Variants in SAXO1 observed in about 807,000 individuals in gnomAD.
SAXO1 encodes the protein 4930500O09Rik.
In SAXO1, 21 loss-of-function variants were observed where a neutral mutation model predicts 17.5. That is an observed-to-expected ratio of 1.20 (90% confidence interval 0.85 to 1.72). The LOEUF (loss-of-function observed/expected upper bound fraction) is 1.72, where lower values mean the gene tolerates loss of function less well. Among genes scored for constraint, SAXO1 ranks in the 40% most tolerant of loss-of-function variants. SAXO1 has a pLI of 0.00. For synonymous variants in SAXO1, 274 were observed against 216.5 expected (o/e 1.27, Z -2.33); for missense variants, 843 against 596.0 (o/e 1.41, Z -4.32).
chr9:18,968,218 T>C (rs745490133), intron 1 of SAXO1, among the ~76,000 whole-genome samples: 4 of 152,234 alleles, frequency 2.6e-5, no homozygotes, highest in Non-Finnish European at 4.4e-5. Flanking sequence ...TTCCCTTTTT[T>C]GTTATTTGTA....
chr9:18,973,461 G>A (rs1174967957), intron 1 of SAXO1, among the ~76,000 whole-genome samples: 1 of 152,204 alleles, frequency 6.6e-6, no homozygotes, highest in Non-Finnish European at 1.5e-5. Context: ...ATTTTCTCTA[G>A]AGCGTTGCCT....
rs1056653184 is a variant in SAXO1 at position 19,027,918 on chromosome 9, C to T, written c.38+4953G>A. The T allele has an allele frequency of 1.1e-5, 15 of 1,388,902 alleles. No individual in the cohort carries two copies. In the Admixed American group the frequency reaches 1.1e-4, roughly 10 times the overall value. 86.0% of individuals were successfully genotyped at this position (1,388,902 alleles called of 1,614,324 possible). ...TGCCTGGGCCAGAATCATGCAGATCCACTCCCAAAAGATGAACGTCAGTCC... is the reference window on the plus strand; with the variant it reads ...TGCCTGGGCCAGAATCATGCAGATCTACTCCCAAAAGATGAACGTCAGTCC... On this transcript the variant is annotated intron_variant, in intron 1 of 3. Coordinates refer to ENST00000380534, the MANE Select transcript of SAXO1 (RefSeq NM_153707.4).
At chr9:18,990,851 A>G (rs1400136122) in intron 1 of SAXO1, among the ~76,000 whole-genome samples, 1 of 152,174 alleles carries the variant, frequency 6.6e-6, no homozygotes, top group Non-Finnish European at 1.5e-5. Context: ...TGTCTCCATC[A>G]TCCCTAGAAT....
At chr9:18,979,626 A>T (rs562958562) in intron 1 of SAXO1, among the ~76,000 whole-genome samples, 18 of 152,326 alleles carry the variant, frequency 1.2e-4, no homozygotes, top group African/African-American at 4.3e-4. Context: ...TGATCTCATC[A>T]GCTCTATTTT....
At position 18,928,741 on chromosome 9, in the gene SAXO1, C is replaced by T. The variant is rs1208036777; in HGVS notation, c.736G>A (p.Gly246Ser). ...CTCTTGGCAGGCTCCCCCATCAGGC[C>T]CCGGTAGGATTGTTTTTGAGTGGTA... ...SLTTQKQSYRGLMGEPAKSLK... is the reference protein window; with the variant it reads ...SLTTQKQSYRSLMGEPAKSLK... Residue 246 changes from glycine (G) to serine (S), a missense_variant, in exon 4 of 4, where the codon GGC (glycine) becomes AGC (serine). Physicochemically the swap from Gly to Ser is moderately conservative, Grantham distance 56. Coordinates refer to ENST00000380534, the MANE Select transcript of SAXO1 (RefSeq NM_153707.4). 1.2e-6 allele frequency: 2 copies of T among 1,614,010 alleles called. No homozygotes were observed. Among genetic ancestry groups the T allele is most frequent in the South Asian group, 2.2e-5 (2 of 91,068 alleles).
upstream of SAXO1, among the ~76,000 whole-genome samples, chr9:19,037,809 T>C (rs1256502869): frequency 1.3e-5 from 2 of 152,180 alleles, no homozygotes; most frequent in Non-Finnish European, 2.9e-5. Flanking sequence ...TCTGGGTACT[T>C]TTCTATAAGC....
intron 1 of SAXO1, among the ~76,000 whole-genome samples, chr9:18,993,751 T>TG (rs1833902269): frequency 6.6e-6 from 1 of 152,186 alleles, no homozygotes; most frequent in South Asian, 2.1e-4. Flanking sequence ...GACCCTAGGC[T>TG]GGGGGGTTCT....
At chr9:18,969,275 T>C (rs891337657) in intron 1 of SAXO1, among the ~76,000 whole-genome samples, 9 of 152,212 alleles carry the variant, frequency 5.9e-5, no homozygotes, top group African/African-American at 1.9e-4. Context: ...GAAGTTTGTG[T>C]CAGCTGCACT....
At chr9:19,002,604 A>C (rs1308251034) in intron 1 of SAXO1, among the ~76,000 whole-genome samples, 3 of 152,236 alleles carry the variant, frequency 2.0e-5, no homozygotes, top group African/African-American at 7.2e-5. Context: ...CAAATTAATA[A>C]ATGCAATCCA....
chr9:19,001,536 G>A (rs1203864401), intron 1 of SAXO1, among the ~76,000 whole-genome samples: 11 of 151,964 alleles, frequency 7.2e-5, no homozygotes, highest in East Asian at 1.9e-4. Context: ...GTGTGGTGGC[G>A]GGCACCTGTA....
At chr9:19,029,332 G>C (rs1295220677) in intron 1 of SAXO1, among the ~76,000 whole-genome samples, 1 of 152,134 alleles carries the variant, frequency 6.6e-6, no homozygotes, top group Non-Finnish European at 1.5e-5. Flanking sequence ...CAAATCTCCA[G>C]GATTAAAAAA....
At chr9:19,005,905 C>T (rs1039227816) in intron 1 of SAXO1, among the ~76,000 whole-genome samples, 1 of 152,042 alleles carries the variant, frequency 6.6e-6, no homozygotes, top group Non-Finnish European at 1.5e-5. Flanking sequence ...TCCTACAACC[C>T]ATGAAAAACA....
chr9:18,975,357 C>T (rs7036652), intron 1 of SAXO1, among the ~76,000 whole-genome samples: 124,779 of 152,116 alleles, frequency 0.82, 51,428 homozygotes, highest in African/African-American at 0.88. Flanking sequence ...CTCTTAGGGA[C>T]GATGTGGCAC....
intron 1 of SAXO1, among the ~76,000 whole-genome samples, chr9:18,984,004 G>A (rs149777250): frequency 0.015 from 2,244 of 152,324 alleles, 52 homozygotes; most frequent in African/African-American, 0.051. Flanking sequence ...GCTGAAGAAT[G>A]GATGTTATGT....
intron 3 of SAXO1, 102 bp downstream of exon 3, chr9:18,941,535 C>G: frequency 7.4e-7 from 1 of 1,360,282 alleles, no homozygotes; most frequent in South Asian, 1.3e-5. Context: ...AAGTAGTCTG[C>G]CAACTCTTGC....
intron 3 of SAXO1, among the ~76,000 whole-genome samples, chr9:18,938,590 C>T (rs1178594648): frequency 1.3e-5 from 2 of 151,994 alleles, no homozygotes; most frequent in Non-Finnish European, 2.9e-5. Flanking sequence ...CTCACCAGGC[C>T]CCACCTCCAA....
upstream of SAXO1, among the ~76,000 whole-genome samples, chr9:19,035,576 G>A (rs1466451670): frequency 1.3e-5 from 2 of 152,206 alleles, no homozygotes; most frequent in Non-Finnish European, 2.9e-5. Flanking sequence ...GGCAGAGGTT[G>A]GAACAGTTTG....
intron 1 of SAXO1, among the ~76,000 whole-genome samples, chr9:18,984,382 A>G (rs926056905): frequency 3.3e-5 from 5 of 152,204 alleles, no homozygotes; most frequent in African/African-American, 1.2e-4. Flanking sequence ...TCCAGCTATA[A>G]AAGTCCTAGA....
At chr9:19,038,366 A>G (rs553424371) in intron 1 of SAXO1, among the ~76,000 whole-genome samples, 1,684 of 152,254 alleles carry the variant, frequency 0.011, 21 homozygotes, top group African/African-American at 0.039. Flanking sequence ...CCAAATGTCC[A>G]ACAATGATAG....
Sources: gnomAD v4.1 joint callset for allele counts (sites outside exome capture counted in the v4.1 genomes callset) on GRCh38, gnomAD v4.1.1 for gene constraint, MANE v1.5 for transcripts, NCBI Gene and HGNC (gene_info 2026-07-23, HGNC 2026-07-21) for gene names.